The following PKHD1 variants were observed in gnomAD, a reference collection of about 807,000 sequenced individuals.
PKHD1 encodes the protein PKHD1 ciliary IPT domain containing fibrocystin/polyductin.
Under a neutral mutation model 412.0 loss-of-function variants are expected in PKHD1, and 291 were observed. The observed-to-expected ratio is 0.71, with a 90% CI of 0.64 to 0.78. The LOEUF (loss-of-function observed/expected upper bound fraction) is 0.78. PKHD1 is among the 30% of genes least tolerant of loss of function. PKHD1 has a pLI of 0.00. For synonymous variants in PKHD1, 1,777 were observed against 1,821.5 expected, an observed-to-expected ratio of 0.98 and a Z score of 0.62; for missense variants, 4,825 against 4,950.7, an observed-to-expected ratio of 0.97 and a Z score of 0.76.
rs370479848 is a variant in PKHD1 at position 52,060,057 on chromosome 6, A to G, written c.1119-15T>C. On this transcript the variant is annotated splice_polypyrimidine_tract_variant and intron_variant, in intron 14 of 66. Coordinates refer to ENST00000371117, the MANE Select transcript of PKHD1 (RefSeq NM_138694.4). ...TGAGCCGTGCTCTGTAAAGTAGAAC[A>G]TAGAGTCAAGCAAGAGTAACCAAGG... 2.7e-6 allele frequency: 4 copies of G among 1,460,660 alleles called. No individual in the cohort carries two copies. Among genetic ancestry groups the G allele is most frequent in the Non-Finnish European group, 2.9e-6 (3 of 1,040,114 alleles). The allele number at this position is 1,460,660 out of a possible 1,614,324, so 90.5% of individuals were successfully genotyped here. A position where few individuals can be genotyped will look rare whatever the true frequency, so the allele number is the denominator to read the frequency against.
intron 37 of PKHD1, among the ~76,000 whole-genome samples, chr6:51,932,203 G>T (rs1786731532): frequency 6.6e-6 from 1 of 152,120 alleles, no homozygotes; most frequent in Non-Finnish European, 1.5e-5. Context: ...CTTGACATTT[G>T]CTTAACCACA....
intron 35 of PKHD1, among the ~76,000 whole-genome samples, chr6:51,989,933 A>AGGG (rs1473902938): frequency 3.8e-4 from 29 of 76,032 alleles, no homozygotes; most frequent in Non-Finnish European, 6.0e-4. Context: ...GGAAGGAAGG[A>AGGG]AAGAAGGAAG....
intron 52 of PKHD1, among the ~76,000 whole-genome samples, chr6:51,803,189 T>C (rs1763204061): frequency 6.6e-6 from 1 of 151,516 alleles, no homozygotes; most frequent in Non-Finnish European, 1.5e-5. Context: ...GTAGAAGTTG[T>C]CATTGTTCTC....
chr6:52,085,464 C>T (rs1582172285), intron 1 of PKHD1, among the ~76,000 whole-genome samples: 1 of 139,692 alleles, frequency 7.2e-6, no homozygotes, highest in Non-Finnish European at 1.5e-5. Context: ...ACATCAGCCT[C>T]TGCCTTGGCC....
In PKHD1 at chr6:52,033,094, A is replaced by G; in HGVS notation, c.3300T>C (p.Phe1100=). Reference sequence around the variant, plus strand: ...CTGGATTTAAGGAAGAGACATATGTAAATGCTCTGGGAAGAACTGCAGAAT... The same window carrying G: ...CTGGATTTAAGGAAGAGACATATGTGAATGCTCTGGGAAGAACTGCAGAAT... The part of the protein sequence containing the change: ...GDYSAVLPRA[F]TYVSSLNPVI... The change falls in exon 29 of 67, where the codon TTT becomes TTC. Residue 1100 remains phenylalanine, a synonymous_variant. Coordinates refer to ENST00000371117, the MANE Select transcript of PKHD1 (RefSeq NM_138694.4). The G allele has an allele frequency of 6.2e-7, 1 of 1,611,076 alleles. No homozygotes were observed. Among genetic ancestry groups the G allele is most frequent in the Non-Finnish European group, 8.5e-7 (1 of 1,177,258 alleles).
chr6:51,917,328 T>G (rs1783987088), intron 37 of PKHD1, among the ~76,000 whole-genome samples: 1 of 152,112 alleles, frequency 6.6e-6, no homozygotes, highest in Admixed American at 6.6e-5. Flanking sequence ...ATTTCCCCCT[T>G]ATTTCTGGAT....
rs1244260264 is a variant in PKHD1 at position 52,025,020 on chromosome 6, C to T, written c.4790G>A (p.Gly1597Asp). The T allele has an allele frequency of 2.5e-6, 4 of 1,614,056 alleles. No individual in the cohort carries two copies. Among genetic ancestry groups the T allele is most frequent in the Non-Finnish European group, 3.4e-6 (4 of 1,180,038 alleles). Residue 1597 changes from glycine (G) to aspartate (D), a missense_variant, in exon 32 of 67, where the codon GGC becomes GAC. Coordinates refer to ENST00000371117, the MANE Select transcript of PKHD1 (RefSeq NM_138694.4). ...GGSLLTIEGT[G>D]LRGQNTTSVY... ...TGACGTGGTGTTCTGTCCTCTCAGG[C>T]CTGTGCCCTCTATGGTCAAGAGGCT...
At chr6:51,868,139 C>A in intron 47 of PKHD1, 30 bp from the exon 48 acceptor site, 1 of 1,577,802 alleles carries the variant, frequency 6.3e-7, no homozygotes, top group South Asian at 1.1e-5. Context: ...AAGATTATTA[C>A]ACAATGGCAC....
At chr6:51,847,674 T>C in intron 50 of PKHD1, 101 bp downstream of exon 50, 2 of 883,588 alleles carry the variant, frequency 2.3e-6, no homozygotes, top group Admixed American at 1.8e-5. Context: ...GCTGTCCCTT[T>C]CAGTTCCTCA....
intron 35 of PKHD1, among the ~76,000 whole-genome samples, chr6:51,999,071 C>T (rs1798055265): frequency 6.6e-6 from 1 of 152,186 alleles, no homozygotes; most frequent in Non-Finnish European, 1.5e-5. Flanking sequence ...GTTGTGCCTA[C>T]ACACCCTTAT....
chr6:52,002,060 T>G (rs183981245), intron 35 of PKHD1, among the ~76,000 whole-genome samples: 1 of 152,316 alleles, frequency 6.6e-6, no homozygotes, highest in East Asian at 1.9e-4. Context: ...AAGGTAGGAA[T>G]TAACAGACTC....
At chr6:51,799,429 A>G (rs950904847) in intron 52 of PKHD1, among the ~76,000 whole-genome samples, 1 of 152,200 alleles carries the variant, frequency 6.6e-6, no homozygotes, top group Non-Finnish European at 1.5e-5. Flanking sequence ...ACAGGTATAT[A>G]TACAAATAAA....
chr6:51,886,104 CCTAA>C, intron 44 of PKHD1, 132 bp from the exon 45 acceptor site: 2 of 713,552 alleles, frequency 2.8e-6, no homozygotes, highest in Non-Finnish European at 5.1e-6. Flanking sequence ...TGACCCTCCC[CCTAA>C]CTGTTCTTGC....
intron 66 of PKHD1, among the ~76,000 whole-genome samples, chr6:51,623,838 C>T (rs374461508): frequency 5.3e-5 from 8 of 152,260 alleles, no homozygotes; most frequent in East Asian, 3.9e-4. Context: ...CTGTCCACTT[C>T]GGCCTCCCAA....
rs137963958 is a variant in PKHD1, at chr6:51,804,072, G to A, written c.8303-12699C>T. Among the ~76,000 whole-genome samples the A allele has an allele frequency of 1.5e-3, 234 of 151,396 alleles. 16 individuals carry two copies. The highest frequency in any genetic ancestry group is 5.4e-3 in the African/African-American group (221 of 40,786). ...TGAAGTCCTTTTAGTATTTGCTTGT[G>A]ATACCCACCAAAATGATCATGGCAA... is the stretch of plus-strand genomic sequence containing the variant. On this transcript the variant is annotated intron_variant, in intron 52 of 66. Coordinates refer to ENST00000371117, the MANE Select transcript of PKHD1 (RefSeq NM_138694.4).
chr6:51,742,710 C>T (rs1784708757), intron 60 of PKHD1, among the ~76,000 whole-genome samples: 1 of 152,046 alleles, frequency 6.6e-6, no homozygotes, highest in Admixed American at 6.6e-5. Flanking sequence ...AAAAAAAAAT[C>T]CTGCCCTCAT....
chr6:51,750,749 C>T (rs1404458389), intron 57 of PKHD1, among the ~76,000 whole-genome samples: 3 of 152,194 alleles, frequency 2.0e-5, no homozygotes, highest in African/African-American at 7.2e-5. Context: ...TTAGTAAAGA[C>T]TTAAAATGTC....
rs12201239 is a variant in PKHD1 at position 52,084,591 on chromosome 6, T to A, written c.52+291A>T. Reference sequence around the variant, plus strand: ...TAAAAGCTCTGCACTACAACAATAATCTTCACTGACCATTAAAAATTGAAG... The same window carrying A: ...TAAAAGCTCTGCACTACAACAATAAACTTCACTGACCATTAAAAATTGAAG... On this transcript the variant is annotated intron_variant, in intron 2 of 66. Transcript: ENST00000371117. Among the ~76,000 whole-genome samples the A allele has an allele frequency of 0.026, 3,905 of 152,284 alleles. 79 individuals are homozygous for A. Among genetic ancestry groups the A allele is most frequent in the South Asian group, 0.083 (399 of 4,824 alleles).
chr6:51,648,815 A>G (rs773115068), intron 62 of PKHD1, among the ~76,000 whole-genome samples: 14 of 152,238 alleles, frequency 9.2e-5, no homozygotes, highest in Admixed American at 2.0e-4. Flanking sequence ...AAGATGTGAC[A>G]GATCTACTTC....
Sources: allele counts gnomAD v4.1 joint callset (sites outside exome capture counted in the v4.1 genomes callset), GRCh38; gene constraint gnomAD v4.1.1; transcripts MANE v1.5; gene names NCBI Gene and HGNC (gene_info 2026-07-23, HGNC 2026-07-21).